SPIDR: variants seen among roughly 807,000 people sequenced by gnomAD.
The protein encoded by SPIDR is scaffold protein involved in DNA repair, also known as DNA repair-scaffolding protein.
Under a neutral mutation model 104.6 loss-of-function variants are expected in SPIDR, and 93 were observed. That is an observed-to-expected ratio of 0.89 (90% CI 0.75 to 1.06). The LOEUF is 1.06. SPIDR is among the 50% of genes least tolerant of loss of function. SPIDR has a pLI of 0.00. For missense variants in SPIDR, 1,154 were observed against 1,111.2 expected (o/e 1.04, Z -0.55); for synonymous variants, 431 against 416.9 (o/e 1.03, Z -0.41).
intron 10 of SPIDR, chr8:47,660,338 G>A (rs1315199496): frequency 3.6e-6 from 2 of 552,708 alleles, no homozygotes; most frequent in East Asian, 2.9e-4. Context: ...TACTTCCAAC[G>A]TGAACAGGGA....
At chr8:47,690,282 GA>G (rs974463889) in intron 11 of SPIDR, among the ~76,000 whole-genome samples, 15 of 152,054 alleles carry the variant, frequency 9.9e-5, no homozygotes, top group Admixed American at 5.2e-4. Flanking sequence ...TGGGGGGGGT[GA>G]GGGGTGCGCG....
intron 8 of SPIDR, among the ~76,000 whole-genome samples, chr8:47,505,291 G>A (rs1368319795): frequency 3.3e-5 from 5 of 152,088 alleles, no homozygotes; most frequent in Non-Finnish European, 7.4e-5. Context: ...CACCCAGTTC[G>A]AGCTTCCCCG....
chr8:47,344,965 A>T (rs2051592878), intron 5 of SPIDR, among the ~76,000 whole-genome samples: 1 of 152,036 alleles, frequency 6.6e-6, no homozygotes, highest in African/African-American at 2.4e-5. Context: ...AGAGCTCTTT[A>T]ATTAGATCCC....
rs1357780253 is a variant in SPIDR, at chr8:47,616,926, T to C, written c.1544+17730T>C. On this transcript the variant is annotated intron_variant, in intron 10 of 19. Coordinates refer to ENST00000297423, the MANE Select transcript of SPIDR (RefSeq NM_001080394.4). ...GATAGCACATTACATCTCATTGTCA[T>C]GTCTCCTTAGGCTCCTGTAGACTTT... Among the ~76,000 whole-genome samples the C allele has an allele frequency of 5.9e-5, 9 of 152,268 alleles. No individual in the cohort carries two copies. The East Asian group carries it at 1.5e-3, about 26-fold the overall frequency.
At chr8:47,459,607 T>A (rs1004799162) in intron 8 of SPIDR, among the ~76,000 whole-genome samples, 1 of 152,064 alleles carries the variant, frequency 6.6e-6, no homozygotes, top group Non-Finnish European at 1.5e-5. Context: ...TCGTTTGTAT[T>A]TTTTTTGTTT....
At chr8:47,465,462 G>T (rs1257567160) in intron 8 of SPIDR, among the ~76,000 whole-genome samples, 2 of 152,180 alleles carry the variant, frequency 1.3e-5, no homozygotes, top group African/African-American at 4.8e-5. Flanking sequence ...GGCTGGGCAC[G>T]TGGCTCAAGC....
At position 47,670,929 on chromosome 8, in the gene SPIDR, G is replaced by T. The variant is rs142256098; in HGVS notation, c.1545-2872G>T. On this transcript the variant is annotated intron_variant, in intron 10 of 19. Coordinates refer to ENST00000297423, the MANE Select transcript of SPIDR (RefSeq NM_001080394.4). ...GAAATCATTTTATTTGTTTTTTTGA[G>T]ACAGGGTCTCACTGTGCCACCCAGG... 3.2e-4 allele frequency among the ~76,000 whole-genome samples: 49 copies of T among 151,960 alleles called. No individual in the cohort carries two copies. The East Asian group carries it at 7.9e-3, about 25-fold the overall frequency.
At chr8:47,264,073 C>T (rs1340845829) in intron 1 of SPIDR, among the ~76,000 whole-genome samples, 1 of 152,172 alleles carries the variant, frequency 6.6e-6, no homozygotes, top group Non-Finnish European at 1.5e-5. Flanking sequence ...AGGAAATACC[C>T]TAGTCCGAAG....
At chr8:47,627,405 A>G (rs2066350418) in intron 10 of SPIDR, among the ~76,000 whole-genome samples, 2 of 152,194 alleles carry the variant, frequency 1.3e-5, no homozygotes, top group Non-Finnish European at 2.9e-5. Flanking sequence ...AAAAATTTAA[A>G]AAAAAAGAAA....
chr8:47,595,824 A>AT lies in SPIDR; in HGVS notation c.1113dup (p.Pro372SerfsTer15), dbSNP rs756975727. 6.2e-7 allele frequency: 1 copy of AT among 1,614,098 alleles called. No homozygotes were observed. The highest frequency in any genetic ancestry group is 8.5e-7 in the Non-Finnish European group (1 of 1,180,014). ...TCTCTTTTCCAGGCAAAAACTGATT[A>AT]TTCCAAGTGGAAGTTGCCCTGTTAT... On this transcript the variant is annotated frameshift_variant, in exon 9 of 20. Coordinates refer to ENST00000297423, the MANE Select transcript of SPIDR (RefSeq NM_001080394.4). LOFTEE classifies it high-confidence loss of function.
At chr8:47,665,383 T>G (rs2074770032) in intron 10 of SPIDR, among the ~76,000 whole-genome samples, 1 of 152,206 alleles carries the variant, frequency 6.6e-6, no homozygotes, top group Admixed American at 6.5e-5. Context: ...TGAACACTAA[T>G]TGTTTTATCT....
At chr8:47,288,886 A>G in intron 3 of SPIDR, among the ~76,000 whole-genome samples, 1 of 152,202 alleles carries the variant, frequency 6.6e-6, no homozygotes, top group Non-Finnish European at 1.5e-5. Flanking sequence ...GATCGATGCA[A>G]AGTGGAACAT....
At chr8:47,386,988 T>C (rs1296441313) in intron 5 of SPIDR, among the ~76,000 whole-genome samples, 1 of 151,722 alleles carries the variant, frequency 6.6e-6, no homozygotes, top group Non-Finnish European at 1.5e-5. Flanking sequence ...TTGAACTTAC[T>C]GCTGTTGCCC....
intron 5 of SPIDR, among the ~76,000 whole-genome samples, chr8:47,375,150 T>C (rs1446284857): frequency 6.6e-6 from 1 of 152,060 alleles, no homozygotes; most frequent in African/African-American, 2.4e-5. Flanking sequence ...AGGGATAAGA[T>C]TTTCTTACTT....
chr8:47,640,173 T>G (rs2068641602), intron 10 of SPIDR, among the ~76,000 whole-genome samples: 1 of 152,192 alleles, frequency 6.6e-6, no homozygotes, highest in African/African-American at 2.4e-5. Flanking sequence ...TTCCTGCCAT[T>G]TAATGCTGCA....
At chr8:47,548,446 G>A (rs899391011) in intron 8 of SPIDR, among the ~76,000 whole-genome samples, 2 of 152,170 alleles carry the variant, frequency 1.3e-5, no homozygotes, top group African/African-American at 2.4e-5. Flanking sequence ...TCAGGAGTTC[G>A]AGACCAGCCT....
At chr8:47,524,859 G>A (rs2084733528) in intron 8 of SPIDR, among the ~76,000 whole-genome samples, 1 of 152,158 alleles carries the variant, frequency 6.6e-6, no homozygotes, top group Non-Finnish European at 1.5e-5. Context: ...TACCAAGGGT[G>A]CTGGTCTTGG....
intron 7 of SPIDR, among the ~76,000 whole-genome samples, chr8:47,426,209 A>G (rs1554684674): frequency 1.3e-5 from 2 of 152,202 alleles, no homozygotes; most frequent in Admixed American, 1.3e-4. Context: ...AGCTGAGATC[A>G]TGCCATTGCA....
intron 5 of SPIDR, among the ~76,000 whole-genome samples, chr8:47,384,069 T>A (rs190368135): frequency 1.3e-5 from 2 of 152,312 alleles, no homozygotes; most frequent in African/African-American, 4.8e-5. Context: ...GGAAAGAGAA[T>A]TCACCTGAAC....
Sources: gnomAD v4.1 joint callset for allele counts (sites outside exome capture counted in the v4.1 genomes callset) on GRCh38, gnomAD v4.1.1 for gene constraint, MANE v1.5 for transcripts, NCBI Gene and HGNC (gene_info 2026-07-23, HGNC 2026-07-21) for gene names.